The following CALB2 variants were observed in gnomAD, a reference collection of about 807,000 sequenced individuals.
CALB2 encodes calretinin.
Under a neutral mutation model 45.9 loss-of-function variants are expected in CALB2, and 34 were observed. The observed-to-expected ratio is 0.74, with a 90% confidence interval of 0.56 to 0.99. The LOEUF is 0.99. CALB2 is among the 50% of genes least tolerant of loss of function. CALB2 has a pLI of 0.00. For synonymous variants in CALB2, 142 were observed against 129.6 expected, an observed-to-expected ratio of 1.10 and a Z score of -0.65; for missense variants, 344 against 339.3, an observed-to-expected ratio of 1.01 and a Z score of -0.11.
rs1297483199 is a variant in CALB2 at position 71,389,647 on chromosome 16, G to C, written c.700-102G>C. 10 of 829,482 alleles carry C rather than the reference G, an allele frequency of 1.2e-5. No individual in the cohort carries two copies. The South Asian group carries it at 1.3e-4, about 11-fold the overall frequency. The allele number at this position is 829,482 out of a possible 1,614,324, so 51.4% of individuals were successfully genotyped here. ...TAAGCCACTTATCCTGGGATGAGATGAGAGAAAGGTGTGGGTGTTTGTGTT... is the reference window on the plus strand; with the variant it reads ...TAAGCCACTTATCCTGGGATGAGATCAGAGAAAGGTGTGGGTGTTTGTGTT... On this transcript the variant is annotated intron_variant, in intron 10 of 10. Coordinates refer to ENST00000302628, the MANE Select transcript of CALB2 (RefSeq NM_001740.5).
At chr16:71,364,472 C>T (rs1392985476) in intron 1 of CALB2, among the ~76,000 whole-genome samples, 4 of 152,216 alleles carry the variant, frequency 2.6e-5, no homozygotes, top group African/African-American at 9.6e-5. Context: ...AAGAACAGTG[C>T]CTCTCCAGCC....
At chr16:71,366,117 C>G (rs1179682165) in intron 1 of CALB2, among the ~76,000 whole-genome samples, 1 of 141,268 alleles carries the variant, frequency 7.1e-6, no homozygotes, top group Non-Finnish European at 1.5e-5. Flanking sequence ...AGCTCCACCT[C>G]CCAGGTTCAC....
Position 71,390,304 on chromosome 16 carries a change from C to G in CALB2, c.*439C>G, listed in dbSNP as rs561113645. The G allele has an allele frequency of 3.5e-4, 56 of 158,162 alleles. No homozygotes were observed. The highest frequency in any genetic ancestry group is 1.0e-3 in the Admixed American group (16 of 16,044). The allele number at this position is 158,162 out of a possible 1,614,324, so 9.8% of individuals were successfully genotyped here. ...TGGTGTAGCTGTCCTCTCAGAACTC[C>G]TGTGTGTGGAAGGCACCCGCCCTTT... On this transcript the variant is annotated 3_prime_UTR_variant, in exon 11 of 11. Coordinates refer to ENST00000302628, the MANE Select transcript of CALB2 (RefSeq NM_001740.5).
chr16:71,370,387 G>C (rs969595391), intron 1 of CALB2, among the ~76,000 whole-genome samples: 3 of 152,080 alleles, frequency 2.0e-5, no homozygotes, highest in Admixed American at 2.0e-4. Context: ...TCTCCTCTAC[G>C]GGAATCTTGC....
intron 9 of CALB2, chr16:71,385,339 T>G: frequency 4.3e-6 from 2 of 463,526 alleles, no homozygotes; most frequent in South Asian, 4.5e-5. Context: ...TCACTTAAAT[T>G]TTCAACGCAC....
At chr16:71,367,573 C>T (rs577621348) in intron 1 of CALB2, among the ~76,000 whole-genome samples, 3 of 152,202 alleles carry the variant, frequency 2.0e-5, no homozygotes, top group South Asian at 2.1e-4. Context: ...GGCCCTGCAG[C>T]GCCACCTGCC....
intron 4 of CALB2, 98 bp from the exon 5 acceptor site, chr16:71,382,621 A>G: frequency 9.0e-7 from 1 of 1,116,466 alleles, no homozygotes; most frequent in South Asian, 1.4e-5. Context: ...ATATTCTTGA[A>G]GATCAAGACC....
At chr16:71,368,468 A>T (rs372610854) in intron 1 of CALB2, among the ~76,000 whole-genome samples, 50 of 152,350 alleles carry the variant, frequency 3.3e-4, no homozygotes, top group African/African-American at 1.1e-3. Context: ...TGATCCAGCC[A>T]CTGCACTCCA....
At position 71,368,097 on chromosome 16, in the gene CALB2, T is replaced by A. The variant is rs577559132; in HGVS notation, c.95-4056T>A. ...GCTCTCGACACTGGAAACACCATGT[T>A]TAAATTCATTTCCTTGCTTATTATC... On this transcript the variant is annotated intron_variant, in intron 1 of 10. Transcript: ENST00000302628. Among the ~76,000 whole-genome samples the A allele has an allele frequency of 3.3e-5, 5 of 152,314 alleles. No individual in the cohort carries two copies. The South Asian group carries it at 8.3e-4, about 25-fold the overall frequency.
In CALB2 at chr16:71,384,834, A is replaced by G; in HGVS notation, c.625A>G (p.Lys209Glu). Reference sequence around the variant, plus strand: ...TAACGCGATCTTCACATTTTACGACAAGGTAAGAGAGGGAGTTGGCATGGC... The same window carrying G: ...TAACGCGATCTTCACATTTTACGACGAGGTAAGAGAGGGAGTTGGCATGGC... ...EFNAIFTFYD[K>E]DRSGYIDEHE... Residue 209 changes from lysine (K) to glutamate (E), a missense_variant and splice_region_variant, in exon 9 of 11, where the codon AAG becomes GAG. This residue lies in a region of CALB2 where 263 missense variants were observed against 241.7 expected (regional missense o/e 1.09). Transcript: ENST00000302628. The G allele has an allele frequency of 6.2e-7, 1 of 1,612,334 alleles. No individual in the cohort carries two copies. Among genetic ancestry groups the G allele is most frequent in the Middle Eastern group, 1.7e-4 (1 of 6,042 alleles).
At chr16:71,384,908 C>A in intron 9 of CALB2, 72 bp downstream of exon 9, 1 of 1,319,054 alleles carries the variant, frequency 7.6e-7, no homozygotes, top group Non-Finnish European at 1.1e-6. Flanking sequence ...TCAGCTTCAT[C>A]CCTGGGAAGA....
Position 71,383,953 on chromosome 16 carries a change from C to T in CALB2, c.478-17C>T, listed in dbSNP as rs1458771060. The T allele has an allele frequency of 6.2e-7, 1 of 1,613,824 alleles. No homozygotes were observed. The highest frequency in any genetic ancestry group is 8.5e-7 in the Non-Finnish European group (1 of 1,179,794). On this transcript the variant is annotated splice_polypyrimidine_tract_variant and intron_variant, in intron 6 of 10. Transcript: ENST00000302628. The stretch of plus-strand genomic sequence containing the variant: ...AATTCACAGCAAATAACCCAGGCAC[C>T]TTTCTGTCCCCAACAGCTACGGATG...
chr16:71,366,026 T>C (rs9745319), intron 1 of CALB2, among the ~76,000 whole-genome samples: 18 of 45,618 alleles, frequency 3.9e-4, no homozygotes, highest in Admixed American at 1.0e-3. Context: ...CTCTCTCTCT[T>C]TTTTTTTTTT....
chr16:71,381,496 G>A (rs12931239), intron 4 of CALB2, among the ~76,000 whole-genome samples: 36,614 of 151,472 alleles, frequency 0.24, 5,373 homozygotes, highest in South Asian at 0.39. Context: ...TTTAAAAAGA[G>A]ACATTTTCCG....
Position 71,382,682 on chromosome 16 carries a change from C to T in CALB2, c.343-37C>T, listed in dbSNP as rs192997572. On this transcript the variant is annotated intron_variant, in intron 4 of 10. Transcript: ENST00000302628. ...GAAGGGAGGTGGGTAGATTTTGATA[C>T]GTCTTTGCAAAGAGGTTGACATTCC... 168 of 1,602,680 alleles carry T rather than the reference C, an allele frequency of 1.0e-4. No individual in the cohort carries two copies. In the South Asian group the frequency reaches 1.6e-3, roughly 15 times the overall value.
intron 1 of CALB2, among the ~76,000 whole-genome samples, chr16:71,364,591 C>G (rs2042263649): frequency 6.6e-6 from 1 of 152,194 alleles, no homozygotes; most frequent in Non-Finnish European, 1.5e-5. Flanking sequence ...ACTATCTCCC[C>G]TCTCACCCAA....
At chr16:71,382,797 G>C in intron 5 of CALB2, 22 bp downstream of exon 5, 1 of 1,598,230 alleles carries the variant, frequency 6.3e-7, no homozygotes, top group Non-Finnish European at 8.5e-7. Flanking sequence ...CTTGGGGAGG[G>C]TGTGAGGCCA....
At chr16:71,378,403 A>C (rs1450574656) in intron 4 of CALB2, among the ~76,000 whole-genome samples, 1 of 151,994 alleles carries the variant, frequency 6.6e-6, no homozygotes, top group Non-Finnish European at 1.5e-5. Flanking sequence ...AAAAAAGATA[A>C]AAAACTTAGT....
chr16:71,361,781 C>T (rs2042239960), intron 1 of CALB2, among the ~76,000 whole-genome samples: 3 of 152,172 alleles, frequency 2.0e-5, no homozygotes, highest in African/African-American at 7.2e-5. Context: ...TTTCAAAATT[C>T]TTATTAGCTT....
Sources: allele counts gnomAD v4.1 joint callset (sites outside exome capture counted in the v4.1 genomes callset), GRCh38; gene constraint gnomAD v4.1.1; regional missense constraint gnomAD v4.1.1; transcripts MANE v1.5; gene names NCBI Gene and HGNC (gene_info 2026-07-23, HGNC 2026-07-21).